The following CSMD1 variants were observed in gnomAD, a reference collection of about 807,000 sequenced individuals.
CSMD1 encodes the protein CUB and sushi domain-containing protein 1.
Under a neutral mutation model 417.5 loss-of-function variants are expected in CSMD1, and 213 were observed. The ratio of observed to expected loss-of-function variants is 0.51; its 90% CI spans 0.46 to 0.57. The LOEUF (loss-of-function observed/expected upper bound fraction) is 0.57, where lower values mean the gene tolerates loss of function less well. Among genes scored for constraint, CSMD1 ranks in the 20% least tolerant of loss-of-function variants. CSMD1 has a pLI of 0.00. For missense variants in CSMD1, 6,923 were observed against 4,529.7 expected (o/e 1.53, Z -15.17); for synonymous variants, 2,862 against 1,736.8 (o/e 1.65, Z -16.11).
chr8:4,085,541 C>T (rs767981334), intron 3 of CSMD1, among the ~76,000 whole-genome samples: 5 of 152,032 alleles, frequency 3.3e-5, no homozygotes, highest in Admixed American at 2.6e-4. Flanking sequence ...CTTTGTAACC[C>T]TAATAAGCTG....
At chr8:4,131,958 C>T (rs1382758253) in intron 3 of CSMD1, among the ~76,000 whole-genome samples, 1 of 151,690 alleles carries the variant, frequency 6.6e-6, no homozygotes, top group Non-Finnish European at 1.5e-5. Flanking sequence ...TAGAGACCGG[C>T]TTTCACCATG....
chr8:4,271,324 G>A (rs934497518), intron 3 of CSMD1, among the ~76,000 whole-genome samples: 4 of 152,090 alleles, frequency 2.6e-5, no homozygotes, highest in East Asian at 1.9e-4. Context: ...TGGTGAAATC[G>A]TTCATTAGTA....
intron 1 of CSMD1, among the ~76,000 whole-genome samples, chr8:4,840,849 T>C (rs1489690608): frequency 6.6e-6 from 1 of 152,236 alleles, no homozygotes; most frequent in African/African-American, 2.4e-5. Flanking sequence ...ATTACCACTA[T>C]TAATAAAAAT....
chr8:4,855,027 G>T (rs1442583211), intron 1 of CSMD1, among the ~76,000 whole-genome samples: 1 of 152,132 alleles, frequency 6.6e-6, no homozygotes, highest in Admixed American at 6.5e-5. Context: ...TGACAGGTTT[G>T]AAGAGAGCAG....
chr8:3,328,014 G>A (rs1181057423), intron 23 of CSMD1, among the ~76,000 whole-genome samples: 2 of 152,070 alleles, frequency 1.3e-5, no homozygotes, highest in Non-Finnish European at 2.9e-5. Context: ...CAGCCAATTC[G>A]GGTTCCAGTT....
intron 1 of CSMD1, among the ~76,000 whole-genome samples, chr8:4,831,708 A>G (rs1424918087): frequency 6.6e-6 from 1 of 152,172 alleles, no homozygotes; most frequent in African/African-American, 2.4e-5. Flanking sequence ...TATTTACTAG[A>G]CATTCACAAA....
At chr8:3,354,235 C>T (rs889219342) in intron 21 of CSMD1, among the ~76,000 whole-genome samples, 1 of 152,098 alleles carries the variant, frequency 6.6e-6, no homozygotes, top group South Asian at 2.1e-4. Flanking sequence ...ACTTGTCCAC[C>T]TAAATAACCT....
chr8:4,196,224 T>TA (rs1429751181), intron 3 of CSMD1, among the ~76,000 whole-genome samples: 3 of 151,988 alleles, frequency 2.0e-5, no homozygotes, highest in Non-Finnish European at 2.9e-5. Context: ...AATAAATAAA[T>TA]AAATAAATAA....
chr8:4,901,699 G>A (rs374351501), intron 1 of CSMD1, among the ~76,000 whole-genome samples: 4 of 152,182 alleles, frequency 2.6e-5, no homozygotes, highest in Admixed American at 6.5e-5. Flanking sequence ...ATGCATACTA[G>A]CATATTAGCA....
At chr8:3,224,908 G>C (rs538760317) in intron 27 of CSMD1, among the ~76,000 whole-genome samples, 4 of 152,322 alleles carry the variant, frequency 2.6e-5, no homozygotes, top group Non-Finnish European at 5.9e-5. Flanking sequence ...ACTATGCTGA[G>C]TTTAAAAGTT....
intron 1 of CSMD1, among the ~76,000 whole-genome samples, chr8:4,897,316 G>A (rs73505850): frequency 0.024 from 3,608 of 152,100 alleles, 53 homozygotes; most frequent in Non-Finnish European, 0.028. Context: ...ATAAAATAGA[G>A]TTTTACCAAG....
intron 15 of CSMD1, among the ~76,000 whole-genome samples, chr8:3,403,405 C>G (rs1016807352): frequency 6.6e-6 from 1 of 152,190 alleles, no homozygotes; most frequent in Admixed American, 6.5e-5. Flanking sequence ...TCGGAGCGTC[C>G]CCTACCTTCT....
intron 7 of CSMD1, chr8:3,704,731 G>T (rs73185326): frequency 0.081 from 12,288 of 152,230 alleles, 671 homozygotes; most frequent in Non-Finnish European, 0.12. Context: ...TAGACAACCA[G>T]ACCACTGACC....
At chr8:4,991,631 C>T (rs1180607154) in intron 1 of CSMD1, among the ~76,000 whole-genome samples, 1 of 152,148 alleles carries the variant, frequency 6.6e-6, no homozygotes, top group Non-Finnish European at 1.5e-5. Context: ...CTGCTGCTTG[C>T]AAGCGCCTCC....
chr8:4,436,243 T>A (rs1798142924), intron 2 of CSMD1, among the ~76,000 whole-genome samples: 1 of 152,198 alleles, frequency 6.6e-6, no homozygotes, highest in East Asian at 1.9e-4. Context: ...CAAAATTAGT[T>A]CATACTTAAA....
intron 6 of CSMD1, among the ~76,000 whole-genome samples, chr8:3,711,756 T>C (rs1339830226): frequency 2.0e-5 from 3 of 152,144 alleles, no homozygotes; most frequent in Non-Finnish European, 4.4e-5. Flanking sequence ...TCACCCCCAC[T>C]ATCTTGTGCT....
chr8:3,895,803 T>G (rs2129130374), intron 5 of CSMD1, among the ~76,000 whole-genome samples: 1 of 152,342 alleles, frequency 6.6e-6, no homozygotes, highest in African/African-American at 2.4e-5. Flanking sequence ...ACACTCCAGT[T>G]GTACCTGCAG....
chr8:4,179,992 A>G (rs1037146005), intron 3 of CSMD1, among the ~76,000 whole-genome samples: 26 of 152,166 alleles, frequency 1.7e-4, no homozygotes, highest in African/African-American at 5.5e-4. Flanking sequence ...ACTGTAAACT[A>G]ATTCAACCAT....
At chr8:4,523,174 T>C (rs1803567570) in intron 2 of CSMD1, among the ~76,000 whole-genome samples, 1 of 152,190 alleles carries the variant, frequency 6.6e-6, no homozygotes, top group South Asian at 2.1e-4. Flanking sequence ...CTCGTCTATT[T>C]AGTAATTCAA....
Sources: gnomAD v4.1 joint callset for allele counts (sites outside exome capture counted in the v4.1 genomes callset) on GRCh38, gnomAD v4.1.1 for gene constraint, MANE v1.5 for transcripts, NCBI Gene and HGNC (gene_info 2026-07-23, HGNC 2026-07-21) for gene names.